BCAS3: variants seen among roughly 807,000 people sequenced by gnomAD.
The protein encoded by BCAS3 is BCAS4/BCAS3 fusion.
Under a neutral mutation model 116.1 loss-of-function variants are expected in BCAS3, and 53 were observed. That is an observed-to-expected ratio of 0.46 (90% CI 0.37 to 0.57). The LOEUF (loss-of-function observed/expected upper bound fraction) is 0.57. Ranked by LOEUF, BCAS3 falls within the 20% of genes least tolerant of loss-of-function variation. The pLI, the probability that BCAS3 is intolerant of heterozygous loss-of-function variation, is 0.00. For missense variants in BCAS3, 917 were observed against 1,165.4 expected (o/e 0.79, Z 3.10); for synonymous variants, 391 against 408.2 (o/e 0.96, Z 0.51).
intron 6 of BCAS3, among the ~76,000 whole-genome samples, chr17:60,783,167 G>A (rs2144499383): frequency 6.6e-6 from 1 of 152,162 alleles, no homozygotes; most frequent in Middle Eastern, 3.4e-3. Flanking sequence ...TGTTAATGTA[G>A]GTTCATCAGT....
chr17:61,266,694 T>C (rs1261767260), intron 22 of BCAS3, among the ~76,000 whole-genome samples: 2 of 152,198 alleles, frequency 1.3e-5, no homozygotes, highest in South Asian at 4.1e-4. Flanking sequence ...TTGCCACAAT[T>C]AGTATGACTC....
intron 19 of BCAS3, among the ~76,000 whole-genome samples, chr17:61,062,017 C>T (rs143751358): frequency 1.3e-3 from 197 of 152,208 alleles, no homozygotes; most frequent in African/African-American, 4.3e-3. Context: ...ACACATAACC[C>T]ACTATGCAAT....
intron 22 of BCAS3, among the ~76,000 whole-genome samples, chr17:61,223,242 C>T (rs1334800418): frequency 1.4e-5 from 2 of 142,886 alleles, no homozygotes; most frequent in African/African-American, 2.6e-5. Flanking sequence ...ACTGCAACCT[C>T]CACCTCCTGG....
chr17:61,120,413 A>T (rs1778860545), intron 22 of BCAS3, among the ~76,000 whole-genome samples: 1 of 152,102 alleles, frequency 6.6e-6, no homozygotes, highest in Admixed American at 6.5e-5. Context: ...CCTTTCCCTT[A>T]AAACACCTCC....
intron 6 of BCAS3, among the ~76,000 whole-genome samples, chr17:60,749,229 G>C (rs1396218216): frequency 1.3e-5 from 2 of 152,182 alleles, no homozygotes; most frequent in Non-Finnish European, 2.9e-5. Flanking sequence ...CTTCACTCTT[G>C]ATTGATTGTT....
In BCAS3 at chr17:61,141,564, T is replaced by C. The variant is rs1260959029; in HGVS notation, c.2425+57000T>C. On this transcript the variant is annotated intron_variant, in intron 22 of 23. Coordinates refer to ENST00000407086, the MANE Select transcript of BCAS3 (RefSeq NM_017679.5). This position sits in a 1 kb window ranked among gnomAD's most constrained non-coding sequence, Gnocchi z 4.3. Reference sequence around the variant, plus strand: ...CAGAGCGAGACCCTGTCTCAAAAAATAAAATAAAAGTTGAATCACCCACGT... The same window carrying C: ...CAGAGCGAGACCCTGTCTCAAAAAACAAAATAAAAGTTGAATCACCCACGT... Among the ~76,000 whole-genome samples, 1 of 145,574 alleles carries C rather than the reference T, an allele frequency of 6.9e-6. No homozygotes were observed. The highest frequency in any genetic ancestry group is 2.1e-4 in the East Asian group (1 of 4,744).
intron 22 of BCAS3, among the ~76,000 whole-genome samples, chr17:61,169,498 C>G (rs971343814): frequency 6.6e-6 from 1 of 152,124 alleles, no homozygotes; most frequent in Non-Finnish European, 1.5e-5. Flanking sequence ...GTCTCAAACT[C>G]CTGGCCTTAT....
At chr17:61,067,308 TA>T (rs2070771001) in intron 19 of BCAS3, among the ~76,000 whole-genome samples, 7 of 135,530 alleles carry the variant, frequency 5.2e-5, no homozygotes, top group Non-Finnish European at 9.4e-5. Flanking sequence ...TATATATATA[TA>T]TATATATTTA....
At chr17:60,998,209 C>T (rs1022898280) in intron 15 of BCAS3, among the ~76,000 whole-genome samples, 1 of 152,148 alleles carries the variant, frequency 6.6e-6, no homozygotes, top group Non-Finnish European at 1.5e-5. Flanking sequence ...AGTATTCCGT[C>T]GTACATATGT....
intron 6 of BCAS3, among the ~76,000 whole-genome samples, chr17:60,784,986 G>A (rs1467361689): frequency 6.6e-6 from 1 of 151,826 alleles, no homozygotes; most frequent in Non-Finnish European, 1.5e-5. Flanking sequence ...AATCCCAGCT[G>A]CTTGGGAGGC....
chr17:61,110,179 A>T (rs1262772398), intron 22 of BCAS3, among the ~76,000 whole-genome samples: 2 of 152,222 alleles, frequency 1.3e-5, no homozygotes, highest in African/African-American at 4.8e-5. Flanking sequence ...CTTGCCAATT[A>T]TCCTAGCACC....
At chr17:60,938,189 C>T (rs143772139) in intron 13 of BCAS3, among the ~76,000 whole-genome samples, 84 of 152,116 alleles carry the variant, frequency 5.5e-4, no homozygotes, top group African/African-American at 1.9e-3. Flanking sequence ...CCACTGCACC[C>T]GGCCAAAATT....
At chr17:60,685,799 C>T (rs373690576) in intron 3 of BCAS3, among the ~76,000 whole-genome samples, 5 of 151,996 alleles carry the variant, frequency 3.3e-5, no homozygotes, top group African/African-American at 9.7e-5. Flanking sequence ...AATGGTGAGA[C>T]GTCGTCATTT....
chr17:60,730,108 G>A (rs2040312865), intron 5 of BCAS3, among the ~76,000 whole-genome samples: 1 of 152,204 alleles, frequency 6.6e-6, no homozygotes, highest in Non-Finnish European at 1.5e-5. Flanking sequence ...GAGTTTTGAA[G>A]TGTAATATCT....
At chr17:61,123,275 C>G (rs2075880732) in intron 22 of BCAS3, among the ~76,000 whole-genome samples, 1 of 152,074 alleles carries the variant, frequency 6.6e-6, no homozygotes, top group African/African-American at 2.4e-5. Context: ...TCTCTCTACA[C>G]TACATTTCCT....
Position 61,088,886 on chromosome 17 carries a change from G to A in BCAS3, c.2425+4322G>A, listed in dbSNP as rs1163207815. Among the ~76,000 whole-genome samples, 2 of 152,246 alleles carry A rather than the reference G, an allele frequency of 1.3e-5. No homozygotes were observed. Among genetic ancestry groups the A allele is most frequent in the South Asian group, 2.1e-4 (1 of 4,824 alleles). On this transcript the variant is annotated intron_variant, in intron 22 of 23. Coordinates refer to ENST00000407086, the MANE Select transcript of BCAS3 (RefSeq NM_017679.5). This position sits in a 1 kb window ranked among gnomAD's most constrained non-coding sequence, Gnocchi z 4.2. ...AGTTATGAGGTGTGGTGGAAGCAGT[G>A]TTTGTGTACATGCCTGAGGAAGTGT...
rs1188266728 is a variant in BCAS3, at chr17:60,965,226, A to T, written c.1221+17874A>T. On this transcript the variant is annotated intron_variant, in intron 14 of 23. Coordinates refer to ENST00000407086, the MANE Select transcript of BCAS3 (RefSeq NM_017679.5). The stretch of plus-strand genomic sequence containing the variant: ...TATCCCATAGGTTTTGGTATATTGA[A>T]TTTTTTTTTTTTTTTTTTTTGAGAT... 4.3e-4 allele frequency among the ~76,000 whole-genome samples: 56 copies of T among 131,540 alleles called. 1 individual carries two copies. In the East Asian group the frequency reaches 0.011, roughly 25 times the overall value. 86.3% of individuals were successfully genotyped at this position (131,540 alleles called of 152,430 possible).
intron 6 of BCAS3, among the ~76,000 whole-genome samples, chr17:60,794,468 A>G (rs2047041718): frequency 6.6e-6 from 1 of 152,184 alleles, no homozygotes; most frequent in Non-Finnish European, 1.5e-5. Context: ...CTTGGTCATG[A>G]TATCTTGCCT....
In BCAS3 at chr17:61,388,373, C is replaced by G. The variant is rs1366044497; in HGVS notation, c.2594-3604C>G. ...AACCTGTGACTCCTCTCCCCCTCCC[C>G]CACTCTGAACGGGGTCTTGGCCCCC... On this transcript the variant is annotated intron_variant, in intron 23 of 23. Coordinates refer to ENST00000407086, the MANE Select transcript of BCAS3 (RefSeq NM_017679.5). The surrounding 1 kb of genome is among the most constrained non-coding windows in gnomAD (Gnocchi z 6.5). The G allele has an allele frequency of 4.3e-6, 2 of 467,736 alleles. No individual in the cohort carries two copies. Among genetic ancestry groups the G allele is most frequent in the Admixed American group, 7.2e-5 (2 of 27,594 alleles). 29.0% of individuals were successfully genotyped at this position (467,736 alleles called of 1,614,324 possible). A position where few individuals can be genotyped will look rare whatever the true frequency, so the allele number is the denominator to read the frequency against.
Sources: allele counts gnomAD v4.1 joint callset (sites outside exome capture counted in the v4.1 genomes callset), GRCh38; gene constraint gnomAD v4.1.1; non-coding constraint Gnocchi (gnomAD v3.1); transcripts MANE v1.5; gene names NCBI Gene and HGNC (gene_info 2026-07-23, HGNC 2026-07-21).